The following FBXW7 variants were observed in gnomAD, a reference collection of about 807,000 sequenced individuals.
FBXW7 encodes F-box and WD repeat domain containing 7.
In FBXW7, 11 loss-of-function variants were observed where a neutral mutation model predicts 86.3. The ratio of observed to expected loss-of-function variants is 0.13; its 90% CI spans 0.08 to 0.21. FBXW7 has a LOEUF of 0.21. Ranked by LOEUF, FBXW7 falls within the 10% of genes least tolerant of loss-of-function variation. The pLI, the probability that FBXW7 is intolerant of heterozygous loss-of-function variation, is 1.00. For synonymous variants in FBXW7, 313 were observed against 297.9 expected (o/e 1.05, Z -0.52); for missense variants, 488 against 847.4 (o/e 0.58, Z 5.27).
intron 4 of FBXW7, chr4:152,382,407 T>G (rs533691436): frequency 1.9e-5 from 25 of 1,310,956 alleles, no homozygotes; most frequent in Admixed American, 6.4e-5. Context: ...CTCTAACCAC[T>G]AAATTTTAAA....
intron 2 of FBXW7, among the ~76,000 whole-genome samples, chr4:152,423,402 C>G (rs1739115214): frequency 6.6e-6 from 1 of 152,080 alleles, no homozygotes; most frequent in African/African-American, 2.4e-5. Flanking sequence ...ACAGTAAAAA[C>G]TTTGTAAATT....
intron 2 of FBXW7, among the ~76,000 whole-genome samples, chr4:152,412,843 G>A (rs1445338167): frequency 6.6e-6 from 1 of 151,944 alleles, no homozygotes; most frequent in Non-Finnish European, 1.5e-5. Context: ...CTTAGGCAGT[G>A]GTATTACTGA....
chr4:152,422,983 T>C (rs1264531994), intron 2 of FBXW7, among the ~76,000 whole-genome samples: 1 of 151,622 alleles, frequency 6.6e-6, no homozygotes, highest in African/African-American at 2.4e-5. Context: ...TAGTGTAGAT[T>C]TGACTGATTA....
chr4:152,497,019 CA>C (rs1330792787), intron 2 of FBXW7, among the ~76,000 whole-genome samples: 4 of 152,206 alleles, frequency 2.6e-5, no homozygotes, highest in Middle Eastern at 3.4e-3. Context: ...AACTTTTAAA[CA>C]ATGTTAAAAA....
intron 4 of FBXW7, among the ~76,000 whole-genome samples, chr4:152,408,913 T>G (rs1348950644): frequency 6.6e-6 from 1 of 152,186 alleles, no homozygotes; most frequent in East Asian, 1.9e-4. Context: ...AATTCTTGAC[T>G]ACCACTTCCC....
intron 2 of FBXW7, among the ~76,000 whole-genome samples, chr4:152,423,900 A>G (rs1472422289): frequency 6.6e-6 from 1 of 152,100 alleles, no homozygotes; most frequent in African/African-American, 2.4e-5. Flanking sequence ...CTATTTTTTT[A>G]TTTGAGTGTT....
intron 2 of FBXW7, among the ~76,000 whole-genome samples, chr4:152,527,540 G>A (rs1749626016): frequency 6.6e-6 from 1 of 152,190 alleles, no homozygotes; most frequent in Non-Finnish European, 1.5e-5. Context: ...GGCCATTTCA[G>A]GAGGACTGCT....
In FBXW7 at chr4:152,466,236, T is replaced by C. The variant is rs143156427; in HGVS notation, c.-119-53707A>G. On this transcript the variant is annotated intron_variant, in intron 2 of 13. Coordinates refer to ENST00000281708, the MANE Select transcript of FBXW7 (RefSeq NM_001349798.2). Reference sequence around the variant, plus strand: ...CATAACGTCACATAACGATAAAAAATAAGGAACTAAATTGGTACCTTAAAA... The same window carrying C: ...CATAACGTCACATAACGATAAAAAACAAGGAACTAAATTGGTACCTTAAAA... Among the ~76,000 whole-genome samples the C allele has an allele frequency of 3.4e-3, 522 of 152,072 alleles. 2 individuals carry two copies. Among genetic ancestry groups the C allele is most frequent in the Middle Eastern group, 6.8e-3 (2 of 292 alleles).
At chr4:152,405,849 T>C (rs141270754) in intron 4 of FBXW7, among the ~76,000 whole-genome samples, 64 of 152,284 alleles carry the variant, frequency 4.2e-4, no homozygotes, top group African/African-American at 1.5e-3. Flanking sequence ...AGGGAAAAGA[T>C]AACCTGGGGA....
At chr4:152,428,005 T>C (rs1739535861) in intron 2 of FBXW7, among the ~76,000 whole-genome samples, 1 of 152,216 alleles carries the variant, frequency 6.6e-6, no homozygotes, top group South Asian at 2.1e-4. Flanking sequence ...TTTGAGAGGT[T>C]AGAGAATGAT....
Position 152,411,701 on chromosome 4 carries a change from G to A in FBXW7, c.103C>T (p.Arg35Cys), listed in dbSNP as rs751626529. ...TGTTGCTGTTCCTCCTCTACCACAC[G>A]ATTCATCTGTTCTTCATCTACCTGG... is the stretch of plus-strand genomic sequence containing the variant. Reference protein sequence around the residue: ...SSQVDEEQMNRVVEEEQQQQL... With the variant: ...SSQVDEEQMNCVVEEEQQQQL... Residue 35 changes from arginine to cysteine, a missense_variant, in exon 4 of 14, where the codon CGT becomes TGT. Physicochemically the swap from Arg to Cys is radical, Grantham distance 180. Coordinates refer to ENST00000281708, the MANE Select transcript of FBXW7 (RefSeq NM_001349798.2). The A allele has an allele frequency of 1.7e-5, 27 of 1,613,422 alleles. No individual in the cohort carries two copies. The highest frequency in any genetic ancestry group is 5.5e-5 in the South Asian group (5 of 91,038).
At chr4:152,328,628 G>C (rs979511510) in intron 10 of FBXW7, 11 of 307,100 alleles carry the variant, frequency 3.6e-5, no homozygotes, top group African/African-American at 2.2e-4. Flanking sequence ...GCAAACATAT[G>C]ATATAAAACA....
chr4:152,531,357 C>A (rs773169407), intron 2 of FBXW7, among the ~76,000 whole-genome samples: 1 of 152,122 alleles, frequency 6.6e-6, no homozygotes, highest in African/African-American at 2.4e-5. Flanking sequence ...CATCTCTTCC[C>A]CAGAGTTTCT....
intron 4 of FBXW7, among the ~76,000 whole-genome samples, chr4:152,371,934 T>C (rs1317509311): frequency 3.3e-5 from 5 of 151,994 alleles, no homozygotes; most frequent in Non-Finnish European, 7.4e-5. Context: ...TGCTGTCTTA[T>C]TCATCTTTGT....
intron 2 of FBXW7, among the ~76,000 whole-genome samples, chr4:152,511,408 T>C (rs1747964064): frequency 8.9e-6 from 1 of 112,532 alleles, no homozygotes; most frequent in Non-Finnish European, 1.6e-5. Context: ...TTTGAAAATC[T>C]ATAGTTTCTT....
intron 2 of FBXW7, among the ~76,000 whole-genome samples, chr4:152,522,216 A>G (rs1379324656): frequency 6.6e-6 from 1 of 152,172 alleles, no homozygotes; most frequent in Non-Finnish European, 1.5e-5. Flanking sequence ...ATATCTCATA[A>G]GCCCTCTATT....
chr4:152,495,864 A>C (rs1746290256), intron 2 of FBXW7, among the ~76,000 whole-genome samples: 1 of 152,246 alleles, frequency 6.6e-6, no homozygotes, highest in Non-Finnish European at 1.5e-5. Context: ...TGAGGTATCC[A>C]AGAGAATCTA....
chr4:152,529,349 C>G, intron 2 of FBXW7, among the ~76,000 whole-genome samples: 1 of 152,040 alleles, frequency 6.6e-6, no homozygotes, highest in East Asian at 1.9e-4. Context: ...ATTATATACT[C>G]TTTTTTTAAA....
At chr4:152,396,696 T>C (rs1322439376) in intron 4 of FBXW7, among the ~76,000 whole-genome samples, 1 of 152,074 alleles carries the variant, frequency 6.6e-6, no homozygotes, top group Non-Finnish European at 1.5e-5. Context: ...CAATAACTCA[T>C]TTCATTACCT....
Sources: gnomAD v4.1 joint callset for allele counts (sites outside exome capture counted in the v4.1 genomes callset) on GRCh38, gnomAD v4.1.1 for gene constraint, MANE v1.5 for transcripts, NCBI Gene and HGNC (gene_info 2026-07-23, HGNC 2026-07-21) for gene names.